CRAMP1: variants seen among roughly 807,000 people sequenced by gnomAD.
CRAMP1 encodes the protein cramped chromatin regulator 1.
Under a neutral mutation model 115.4 loss-of-function variants are expected in CRAMP1, and 50 were observed. The ratio of observed to expected loss-of-function variants is 0.43; its 90% CI spans 0.35 to 0.55. CRAMP1 has a LOEUF of 0.55. CRAMP1 is among the 20% of genes least tolerant of loss of function. CRAMP1 has a pLI of 0.01. For missense variants in CRAMP1, 1,679 were observed against 1,721.7 expected, an observed-to-expected ratio of 0.98 and a Z score of 0.44; for synonymous variants, 866 against 745.4, an observed-to-expected ratio of 1.16 and a Z score of -2.64.
Position 1,666,596 on chromosome 16 carries a change from T to C in CRAMP1, c.3032T>C (p.Val1011Ala), listed in dbSNP as rs747333617. Residue 1011 changes from valine to alanine, a missense_variant, in exon 16 of 21, where the codon GTG (valine) becomes GCG (alanine). Val to Ala is a moderately conservative substitution (Grantham distance 64). Around this residue, in one of 8 missense-constraint regions of CRAMP1, gnomAD observed 709 missense variants for 741.9 expected, o/e 0.96. Coordinates refer to ENST00000397412, the MANE Select transcript of CRAMP1 (RefSeq NM_020825.4). This position sits in a 1 kb window ranked among gnomAD's most constrained non-coding sequence, Gnocchi z 5.0. ...THQDGDTLPT[V>A]GGSDPFVSIP... ...CAGGATGGAGACACCCTCCCCACCG[T>C]GGGGGTGAGTATGTTTAGAAGGGCT... 5 of 1,613,526 alleles carry C rather than the reference T, an allele frequency of 3.1e-6. No homozygotes were observed. The Admixed American group carries it at 6.7e-5, about 22-fold the overall frequency.
chr16:1,627,301 A>C (rs1325966017), intron 3 of CRAMP1, among the ~76,000 whole-genome samples: 1 of 152,068 alleles, frequency 6.6e-6, no homozygotes, highest in African/African-American at 2.4e-5. Context: ...ACACGCCGCC[A>C]CACCCAGCTA....
intron 3 of CRAMP1, 77 bp from the exon 4 acceptor site, chr16:1,632,135 C>T (rs2036552310): frequency 6.9e-7 from 1 of 1,452,946 alleles, no homozygotes; most frequent in Admixed American, 2.3e-5. Flanking sequence ...TTCTCGGAAC[C>T]TTGGAAAGGG....
At position 1,662,555 on chromosome 16, in the gene CRAMP1, G is replaced by C; in HGVS notation, c.2479G>C (p.Asp827His). 1 of 1,613,980 alleles carries C rather than the reference G, an allele frequency of 6.2e-7. No individual in the cohort carries two copies. The highest frequency in any genetic ancestry group is 8.5e-7 in the Non-Finnish European group (1 of 1,179,864). The change falls in exon 12 of 21, where the codon GAT (aspartate) becomes CAT (histidine). Residue 827 changes from aspartate to histidine, a missense_variant. Around this residue, in one of 8 missense-constraint regions of CRAMP1, gnomAD observed 709 missense variants for 741.9 expected, o/e 0.96. Transcript: ENST00000397412. ...GPSSTGSNDS[D>H]GGLFAVPTTL... ...CTCCAGCACAGGAAGCAATGACTCA[G>C]ATGGAGGCCTTTTTGCTGTCCCGAC...
rs894751173 is a variant in CRAMP1, at chr16:1,625,992, A to G, written c.366A>G (p.Ser122=). 1.3e-5 allele frequency: 20 copies of G among 1,551,512 alleles called. No individual in the cohort carries two copies. The highest frequency in any genetic ancestry group is 1.5e-5 in the Non-Finnish European group (17 of 1,146,986). ...TCCAAGGAGCTGAAGGTGGTGGATC[A>G]TCGTCTGGAAATGTGTCTGGGGTTG... ...PRGKGAEGGG[S]SSGNVSGVAP... Residue 122 remains serine (S), a synonymous_variant, in exon 3 of 21, where the codon TCA becomes TCG. Transcript: ENST00000397412.
intron 3 of CRAMP1, among the ~76,000 whole-genome samples, chr16:1,628,849 T>C (rs2036526662): frequency 6.6e-6 from 1 of 152,200 alleles, no homozygotes; most frequent in Non-Finnish European, 1.5e-5. Context: ...CTCCTGATCA[T>C]GGGCTGAATT....
rs1567462119 is a variant in CRAMP1, at chr16:1,666,494, G to A, written c.2930G>A (p.Gly977Asp). 1.2e-6 allele frequency: 2 copies of A among 1,613,950 alleles called. 1 individual carries two copies. The highest frequency in any genetic ancestry group is 2.2e-5 in the South Asian group (2 of 91,072). ...CCCCTCCCTGCCTTGGACACCGAGGGCTTGTCTGGCATCTCTCCACTGTCT... is the reference window on the plus strand; with the variant it reads ...CCCCTCCCTGCCTTGGACACCGAGGACTTGTCTGGCATCTCTCCACTGTCT... ...GNPLPALDTE[G>D]LSGISPLSSD... Residue 977 changes from glycine (G) to aspartate (D), a missense_variant, in exon 16 of 21, where the codon GGC becomes GAC. Transcript: ENST00000397412. The surrounding 1 kb of genome is among the most constrained non-coding windows in gnomAD (Gnocchi z 5.0).
intron 6 of CRAMP1, among the ~76,000 whole-genome samples, chr16:1,642,942 C>T (rs2036645071): frequency 6.6e-6 from 1 of 152,198 alleles, no homozygotes; most frequent in South Asian, 2.1e-4. Context: ...GCAGCGCCAT[C>T]CGCGGGAGAA....
chr16:1,650,574 G>A (rs897299417), intron 6 of CRAMP1, among the ~76,000 whole-genome samples: 2 of 152,184 alleles, frequency 1.3e-5, no homozygotes, highest in African/African-American at 4.8e-5. Flanking sequence ...CATTTCATGT[G>A]TGTCTTTCTG....
At chr16:1,654,266 A>C (rs2036750386) in intron 8 of CRAMP1, among the ~76,000 whole-genome samples, 1 of 149,444 alleles carries the variant, frequency 6.7e-6, no homozygotes. Context: ...GCTGGAGTGC[A>C]AATGGCGCAG....
intron 11 of CRAMP1, 129 bp from the exon 12 acceptor site, chr16:1,662,361 T>G (rs1447382025): frequency 9.9e-6 from 7 of 703,970 alleles, no homozygotes; most frequent in African/African-American, 8.8e-5. Flanking sequence ...TAGAGGTGTC[T>G]CCTTTCAAGG....
At chr16:1,622,179 C>G (rs970585318) in intron 2 of CRAMP1, among the ~76,000 whole-genome samples, 1 of 152,208 alleles carries the variant, frequency 6.6e-6, no homozygotes, top group African/African-American at 2.4e-5. Context: ...AGGCCACCTT[C>G]AGTTTCTGCT....
intron 4 of CRAMP1, among the ~76,000 whole-genome samples, chr16:1,637,526 C>T (rs963188957): frequency 3.9e-5 from 6 of 152,262 alleles, no homozygotes; most frequent in Admixed American, 1.3e-4. Context: ...ACATCTGCCA[C>T]CTTCACGAGT....
Position 1,673,978 on chromosome 16 carries a change from C to T in CRAMP1, c.3743C>T (p.Pro1248Leu), listed in dbSNP as rs753870206. ...GCCCAAGAGCTGTCCATCGCTGAGC[C>T]TGGCCGCCGAGAAGCTCTGTTTGAT... ...DLAQELSIAEPGRREALFDGG... is the reference protein window; with the variant it reads ...DLAQELSIAELGRREALFDGG... The change falls in exon 21 of 21, where the codon CCT becomes CTT. Residue 1248 changes from proline to leucine, a missense_variant. Transcript: ENST00000397412. The T allele has an allele frequency of 2.5e-6, 4 of 1,613,006 alleles. No individual in the cohort carries two copies. The highest frequency in any genetic ancestry group is 2.2e-5 in the South Asian group (2 of 91,036).
chr16:1,625,368 C>CT, intron 2 of CRAMP1, among the ~76,000 whole-genome samples: 1 of 152,162 alleles, frequency 6.6e-6, no homozygotes, highest in African/African-American at 2.4e-5. Context: ...GGAACTGATG[C>CT]TATAATAGGA....
intron 2 of CRAMP1, among the ~76,000 whole-genome samples, chr16:1,617,675 A>G (rs2036432416): frequency 6.6e-6 from 1 of 152,214 alleles, no homozygotes; most frequent in African/African-American, 2.4e-5. Flanking sequence ...AGACTCTTAC[A>G]GTGAATTTGG....
chr16:1,665,161 G>A (rs1204357191), intron 14 of CRAMP1, 23 bp downstream of exon 14: 2 of 1,520,414 alleles, frequency 1.3e-6, no homozygotes, highest in Admixed American at 1.7e-5. Context: ...AGCTTTTCTG[G>A]GGTAGCTTGT....
intron 5 of CRAMP1, among the ~76,000 whole-genome samples, chr16:1,639,747 A>T (rs1273282725): frequency 6.6e-6 from 1 of 152,170 alleles, no homozygotes; most frequent in African/African-American, 2.4e-5. Flanking sequence ...CCCATCTGCC[A>T]TGAAGAAAGA....
chr16:1,634,581 T>C (rs951205042), intron 4 of CRAMP1, among the ~76,000 whole-genome samples: 2 of 152,164 alleles, frequency 1.3e-5, no homozygotes, highest in African/African-American at 4.8e-5. Flanking sequence ...CACAGCAGGC[T>C]CCTACAGCCT....
At chr16:1,627,959 G>T (rs2036520131) in intron 3 of CRAMP1, among the ~76,000 whole-genome samples, 1 of 152,178 alleles carries the variant, frequency 6.6e-6, no homozygotes, top group Non-Finnish European at 1.5e-5. Context: ...CTGCAAGAGG[G>T]TCTGGGTGCC....
Sources: gnomAD v4.1 joint callset for allele counts (sites outside exome capture counted in the v4.1 genomes callset) on GRCh38, gnomAD v4.1.1 for gene constraint, gnomAD v4.1.1 regional missense constraint, Gnocchi (gnomAD v3.1) non-coding constraint, MANE v1.5 for transcripts, NCBI Gene and HGNC (gene_info 2026-07-23, HGNC 2026-07-21) for gene names.